FBXW8: variants seen among roughly 807,000 people sequenced by gnomAD.
FBXW8 encodes F-box/WD repeat-containing protein 8.
In FBXW8, 57 loss-of-function variants were observed where a neutral mutation model predicts 65.3. The observed-to-expected ratio is 0.87, with a 90% confidence interval of 0.71 to 1.09. The LOEUF is 1.09. Among genes scored for constraint, FBXW8 ranks in the 50% least tolerant of loss-of-function variants. FBXW8 has a pLI of 0.00. For missense variants in FBXW8, 777 were observed against 814.8 expected, an observed-to-expected ratio of 0.95 and a Z score of 0.57; for synonymous variants, 308 against 330.2, an observed-to-expected ratio of 0.93 and a Z score of 0.73.
intron 7 of FBXW8, among the ~76,000 whole-genome samples, chr12:116,991,035 G>A (rs117956568): frequency 0.013 from 2,026 of 152,278 alleles, 26 homozygotes; most frequent in South Asian, 0.054. Flanking sequence ...GTTTTCGCTG[G>A]TGTTTTAAAA....
chr12:116,942,141 G>T lies in FBXW8; in HGVS notation c.424-3223G>T, dbSNP rs140394329. 1.1e-4 allele frequency among the ~76,000 whole-genome samples: 17 copies of T among 151,896 alleles called. No individual in the cohort carries two copies. The East Asian group carries it at 3.3e-3, about 29-fold the overall frequency. On this transcript the variant is annotated intron_variant, in intron 2 of 10. Coordinates refer to ENST00000652555, the MANE Select transcript of FBXW8 (RefSeq NM_153348.3). ...ACTACTGGACTGAAGCAATCCTCCT[G>T]CCTCAGTCTCACAAGTAGCTGGGAC...
chr12:116,995,952 T>C (rs979153185), intron 7 of FBXW8, among the ~76,000 whole-genome samples: 1 of 152,208 alleles, frequency 6.6e-6, no homozygotes, highest in African/African-American at 2.4e-5. Context: ...TGATACCATA[T>C]AATCTTTATT....
intron 8 of FBXW8, among the ~76,000 whole-genome samples, chr12:117,021,964 G>A (rs1460522616): frequency 4.6e-5 from 7 of 152,166 alleles, no homozygotes; most frequent in Admixed American, 4.6e-4. Context: ...GTCTGTTCCT[G>A]ATGTTTCACT....
chr12:116,936,871 G>A lies in FBXW8; in HGVS notation c.424-8493G>A, dbSNP rs940982414. Among the ~76,000 whole-genome samples the A allele has an allele frequency of 9.2e-5, 14 of 152,106 alleles. No individual in the cohort carries two copies. Among genetic ancestry groups the A allele is most frequent in the African/African-American group, 3.4e-4 (14 of 41,400 alleles). On this transcript the variant is annotated intron_variant, in intron 2 of 10. Coordinates refer to ENST00000652555, the MANE Select transcript of FBXW8 (RefSeq NM_153348.3). The surrounding 1 kb of genome is among the most constrained non-coding windows in gnomAD (Gnocchi z 4.6). ...AACTCGAAGTTTTGTGAATAAGATG[G>A]GAAGCCTTTGGAGTGCTTTGAGCAG...
At chr12:116,965,527 C>T (rs1037828606) in intron 5 of FBXW8, among the ~76,000 whole-genome samples, 2 of 151,994 alleles carry the variant, frequency 1.3e-5, no homozygotes, top group African/African-American at 2.4e-5. Context: ...TCCTATCCTC[C>T]GTTATGTTGT....
At position 116,942,665 on chromosome 12, in the gene FBXW8, C is replaced by T. The variant is rs565676083; in HGVS notation, c.424-2699C>T. Among the ~76,000 whole-genome samples the T allele has an allele frequency of 1.1e-4, 16 of 152,008 alleles. No individual in the cohort carries two copies. The South Asian group carries it at 1.2e-3, about 12-fold the overall frequency. On this transcript the variant is annotated intron_variant, in intron 2 of 10. Transcript: ENST00000652555. The stretch of plus-strand genomic sequence containing the variant: ...CAGGGATTACAGGCGTGAGCCACTG[C>T]GCCTGGCCAAATTTGCTGATTTTTC...
intron 1 of FBXW8, 119 bp downstream of exon 1, chr12:116,911,474 A>G: frequency 1.6e-6 from 1 of 635,684 alleles, no homozygotes; most frequent in Non-Finnish European, 2.2e-6. Context: ...AAATGAGTAG[A>G]CGCACAAACA....
Position 117,027,189 on chromosome 12 carries a change from G to A in FBXW8, c.1542-205G>A, listed in dbSNP as rs115507733. ...CGGGGCATGCAGACCTGTTTACAAA[G>A]TCATGCCCAAAGCGTGGCCTGCTCA... On this transcript the variant is annotated intron_variant, in intron 9 of 10. Coordinates refer to ENST00000652555, the MANE Select transcript of FBXW8 (RefSeq NM_153348.3). 5.4e-3 allele frequency among the ~76,000 whole-genome samples: 821 copies of A among 152,346 alleles called. 11 individuals carry two copies. Among genetic ancestry groups the A allele is most frequent in the African/African-American group, 0.019 (793 of 41,578 alleles).
intron 4 of FBXW8, among the ~76,000 whole-genome samples, chr12:116,955,727 CT>C (rs1177095859): frequency 1.3e-5 from 2 of 152,204 alleles, no homozygotes; most frequent in Non-Finnish European, 2.9e-5. Context: ...TTTTGTGATG[CT>C]TAGACTGTTC....
intron 1 of FBXW8, among the ~76,000 whole-genome samples, chr12:116,925,836 CTT>C (rs1156444733): frequency 6.6e-6 from 1 of 152,174 alleles, no homozygotes; most frequent in Non-Finnish European, 1.5e-5. Context: ...GGTTATATCT[CTT>C]TTACAGATGA....
chr12:116,997,358 G>A (rs1479992573), intron 7 of FBXW8, among the ~76,000 whole-genome samples: 1 of 152,200 alleles, frequency 6.6e-6, no homozygotes, highest in East Asian at 1.9e-4. Context: ...GTTACAGAAT[G>A]TAAATATAGG....
chr12:116,942,889 T>A (rs771265600), intron 2 of FBXW8, among the ~76,000 whole-genome samples: 120 of 149,162 alleles, frequency 8.0e-4, no homozygotes, highest in Non-Finnish European at 1.4e-3. Flanking sequence ...ATGATTTTCC[T>A]GCATCAGCCT....
chr12:116,948,077 C>A (rs763296345), intron 3 of FBXW8, among the ~76,000 whole-genome samples: 2 of 152,136 alleles, frequency 1.3e-5, no homozygotes, highest in Non-Finnish European at 2.9e-5. Flanking sequence ...TAGAAGGGAC[C>A]CCAGGGTTCT....
rs1418747187 is a variant in FBXW8, at chr12:116,997,011, A to G, written c.1239+8142A>G. 2.0e-5 allele frequency among the ~76,000 whole-genome samples: 3 copies of G among 152,364 alleles called. No homozygotes were observed. The East Asian group carries it at 5.8e-4, about 29-fold the overall frequency. On this transcript the variant is annotated intron_variant, in intron 7 of 10. Transcript: ENST00000652555. ...TCCAGACTGATAGAAAATCATGTAG[A>G]TAAATAAATGAGGAATGAACATTCA...
At chr12:117,020,965 C>G (rs754720956) in intron 8 of FBXW8, among the ~76,000 whole-genome samples, 1 of 152,218 alleles carries the variant, frequency 6.6e-6, no homozygotes, top group African/African-American at 2.4e-5. Flanking sequence ...TATGTGGACT[C>G]TTGTGTAGCT....
chr12:116,911,384 ATGCCTGCGCCG>A, intron 1 of FBXW8, 29 bp downstream of exon 1: 1 of 802,682 alleles, frequency 1.2e-6, no homozygotes, highest in Non-Finnish European at 1.4e-6. Flanking sequence ...CCCCCCGCCC[ATGCCTGCGCCG>A]GCCCCCGCCC....
rs574707135 is a variant in FBXW8, at chr12:117,001,360, T to G, written c.1240-8963T>G. 3.9e-5 allele frequency among the ~76,000 whole-genome samples: 6 copies of G among 152,248 alleles called. No homozygotes were observed. In the South Asian group the frequency reaches 1.2e-3, roughly 32 times the overall value. ...GATTTTAGCTGCCTGCCTGCCCTCT[T>G]CTAGAAGCTTTTGTCCAGTCTAACT... On this transcript the variant is annotated intron_variant, in intron 7 of 10. Transcript: ENST00000652555.
intron 5 of FBXW8, among the ~76,000 whole-genome samples, chr12:116,970,221 T>C (rs1884570476): frequency 1.3e-5 from 2 of 152,194 alleles, no homozygotes; most frequent in African/African-American, 4.8e-5. Context: ...GAAATGAGAT[T>C]ACACACTTCT....
chr12:116,967,571 G>A (rs1884402565), intron 5 of FBXW8, among the ~76,000 whole-genome samples: 1 of 152,188 alleles, frequency 6.6e-6, no homozygotes. Flanking sequence ...TATTGTCTTT[G>A]TTTGCCTTTC....
Sources: allele counts gnomAD v4.1 joint callset (sites outside exome capture counted in the v4.1 genomes callset), GRCh38; gene constraint gnomAD v4.1.1; non-coding constraint Gnocchi (gnomAD v3.1); transcripts MANE v1.5; gene names NCBI Gene and HGNC (gene_info 2026-07-23, HGNC 2026-07-21).